RBFOX3: variants seen among roughly 807,000 people sequenced by gnomAD.
The protein encoded by RBFOX3 is RNA binding fox-1 homolog 3.
RBFOX3 carries 17 observed loss-of-function variants against 48.7 expected under a neutral mutation model. That is an observed-to-expected ratio of 0.35 (90% CI 0.24 to 0.52). The LOEUF is 0.52. Among genes scored for constraint, RBFOX3 ranks in the 20% least tolerant of loss-of-function variants. RBFOX3 has a pLI of 0.94. For missense variants in RBFOX3, 382 were observed against 497.5 expected (o/e 0.77, Z 2.21); for synonymous variants, 212 against 209.5 (o/e 1.01, Z -0.10).
chr17:79,518,755 G>T (rs1025076361), intron 1 of RBFOX3, among the ~76,000 whole-genome samples: 1 of 152,258 alleles, frequency 6.6e-6, no homozygotes. Context: ...TGCAGAGTAG[G>T]GGTCAAATGA....
chr17:79,617,028 C>T, the RBFOX3 span, among the ~76,000 whole-genome samples: 1 of 152,228 alleles, frequency 6.6e-6, no homozygotes, highest in Non-Finnish European at 1.5e-5. Context: ...CGCCGGCTGG[C>T]TCTCCGCTCT....
At position 79,477,286 on chromosome 17, in the gene RBFOX3, G is replaced by C. The variant is rs1482937084; in HGVS notation, c.-175+5168C>G. On this transcript the variant is annotated intron_variant, in intron 2 of 14. Transcript: ENST00000693108. This position sits in a 1 kb window ranked among gnomAD's most constrained non-coding sequence, Gnocchi z 4.8. ...AAAAAAAAAAAAAAAAGAGGGCGCG[G>C]TGGCTCACACCTGTAATCCCAGCAC... 6.7e-6 allele frequency among the ~76,000 whole-genome samples: 1 copy of C among 148,814 alleles called. No individual in the cohort carries two copies. Among genetic ancestry groups the C allele is most frequent in the Non-Finnish European group, 1.5e-5 (1 of 67,384 alleles).
chr17:79,562,589 A>G (rs2092284645), intron 1 of RBFOX3, among the ~76,000 whole-genome samples: 1 of 152,164 alleles, frequency 6.6e-6, no homozygotes, highest in Admixed American at 6.5e-5. Context: ...CTAATTTTAT[A>G]CACATGACGT....
intron 4 of RBFOX3, among the ~76,000 whole-genome samples, chr17:79,122,931 G>A (rs1010680548): frequency 6.6e-6 from 1 of 152,166 alleles, no homozygotes; most frequent in African/African-American, 2.4e-5. Context: ...ACATCATTTT[G>A]TTAAGTGAAA....
At chr17:79,654,388 C>T in the RBFOX3 span, among the ~76,000 whole-genome samples, 1 of 152,284 alleles carries the variant, frequency 6.6e-6, no homozygotes, top group African/African-American at 2.4e-5. Flanking sequence ...AGGGAAGACA[C>T]TGGAAAATGA....
intron 4 of RBFOX3, among the ~76,000 whole-genome samples, chr17:79,223,799 G>GCC (rs2060003683): frequency 6.6e-6 from 1 of 152,160 alleles, no homozygotes; most frequent in Non-Finnish European, 1.5e-5. Flanking sequence ...CTGTGGCAGT[G>GCC]CGCCCCCCCT....
At chr17:79,321,268 A>G (rs1345084068) in intron 2 of RBFOX3, among the ~76,000 whole-genome samples, 2 of 152,208 alleles carry the variant, frequency 1.3e-5, no homozygotes, top group Admixed American at 6.5e-5. Flanking sequence ...TCTCTACCTC[A>G]TGTCTTCCCT....
intron 2 of RBFOX3, among the ~76,000 whole-genome samples, chr17:79,397,639 A>G (rs1423772664): frequency 6.7e-6 from 1 of 149,898 alleles, no homozygotes; most frequent in Non-Finnish European, 1.5e-5. Flanking sequence ...TGTCTGATTT[A>G]GAGCAGCCCA....
intron 4 of RBFOX3, among the ~76,000 whole-genome samples, chr17:79,128,603 G>A (rs531328270): frequency 2.2e-3 from 340 of 152,324 alleles, no homozygotes; most frequent in Non-Finnish European, 3.6e-3. Context: ...GACTGGGAGA[G>A]TGAGCATCCC....
chr17:79,095,810 G>A (rs763081004), intron 12 of RBFOX3, among the ~76,000 whole-genome samples: 43 of 152,208 alleles, frequency 2.8e-4, no homozygotes, highest in Non-Finnish European at 5.1e-4. Flanking sequence ...AGTTCAGGGC[G>A]AGGCAGGTCT....
At chr17:79,403,232 C>T (rs527652698) in intron 2 of RBFOX3, among the ~76,000 whole-genome samples, 1 of 152,288 alleles carries the variant, frequency 6.6e-6, no homozygotes, top group East Asian at 1.9e-4. Context: ...CTCCTGATGG[C>T]TGAGAGCCTG....
Position 79,361,281 on chromosome 17 carries a change from G to C in RBFOX3, c.-174-53457C>G. ...GCCTCTTCCCTCTCCCCAGGCTGCT[G>C]GTTGGCGCCTTGATCCATTTGCCAT... On this transcript the variant is annotated intron_variant, in intron 2 of 14. Coordinates refer to ENST00000693108, the MANE Select transcript of RBFOX3 (RefSeq NM_001350451.2). The surrounding 1 kb of genome is among the most constrained non-coding windows in gnomAD (Gnocchi z 4.5). Among the ~76,000 whole-genome samples the C allele has an allele frequency of 6.6e-6, 1 of 152,168 alleles. No individual in the cohort carries two copies. Among genetic ancestry groups the C allele is most frequent in the Middle Eastern group, 3.2e-3 (1 of 316 alleles).
chr17:79,094,470 G>C lies in RBFOX3; in HGVS notation c.1058C>G (p.Thr353Ser), dbSNP rs1380998131. 8 of 1,481,794 alleles carry C rather than the reference G, an allele frequency of 5.4e-6. No individual in the cohort carries two copies. Among genetic ancestry groups the C allele is most frequent in the Non-Finnish European group, 7.2e-6 (8 of 1,117,454 alleles). The allele number at this position is 1,481,794 out of a possible 1,614,324, so 91.8% of individuals were successfully genotyped here. A position where few individuals can be genotyped will look rare whatever the true frequency, so the allele number is the denominator to read the frequency against. The stretch of plus-strand genomic sequence containing the variant: ...CCTTACCATGGTTCCAATGCTGTAG[G>C]TCGCCGCGGGCCCGATGGTGTGATG... ...PYHHTIGPAA[T>S]YSIGTM Residue 353 changes from threonine (T) to serine (S), a missense_variant, in exon 14 of 15, where the codon ACC (threonine) becomes AGC (serine). This residue lies in a region of RBFOX3 where 215 missense variants were observed against 254.8 expected (regional missense o/e 0.84). Coordinates refer to ENST00000693108, the MANE Select transcript of RBFOX3 (RefSeq NM_001350451.2).
At chr17:79,465,441 C>T (rs1172568932) in intron 2 of RBFOX3, among the ~76,000 whole-genome samples, 1 of 152,188 alleles carries the variant, frequency 6.6e-6, no homozygotes, top group African/African-American at 2.4e-5. Context: ...TCCCCTGGCC[C>T]TGCCCAGCGA....
At chr17:79,257,068 C>T (rs983277030) in intron 3 of RBFOX3, among the ~76,000 whole-genome samples, 5 of 152,180 alleles carry the variant, frequency 3.3e-5, no homozygotes, top group African/African-American at 9.7e-5. Context: ...AGGCAGCAGA[C>T]GGGTCCCCTC....
At chr17:79,462,689 A>G (rs1158368100) in intron 2 of RBFOX3, among the ~76,000 whole-genome samples, 1 of 152,202 alleles carries the variant, frequency 6.6e-6, no homozygotes, top group Non-Finnish European at 1.5e-5. Flanking sequence ...CCTGATATAA[A>G]GTAAAATTGG....
chr17:79,585,054 G>T (rs978057730), intron 1 of RBFOX3, among the ~76,000 whole-genome samples: 2 of 151,794 alleles, frequency 1.3e-5, no homozygotes, highest in Non-Finnish European at 1.5e-5. Context: ...CGTGAGCCAC[G>T]GCGCCCAGCC....
chr17:79,096,576 G>T, intron 12 of RBFOX3, 77 bp downstream of exon 12: 1 of 1,296,862 alleles, frequency 7.7e-7, no homozygotes, highest in Non-Finnish European at 1.1e-6. Context: ...CGGGCAGTGA[G>T]AGAGGAGACG....
intron 1 of RBFOX3, among the ~76,000 whole-genome samples, chr17:79,498,257 G>T (rs567203789): frequency 7.2e-5 from 11 of 152,116 alleles, no homozygotes; most frequent in Non-Finnish European, 1.0e-4. Flanking sequence ...TTCCTTTTGC[G>T]CTCCTTTGGG....
Sources: allele counts gnomAD v4.1 joint callset (sites outside exome capture counted in the v4.1 genomes callset), GRCh38; gene constraint gnomAD v4.1.1; regional missense constraint gnomAD v4.1.1; non-coding constraint Gnocchi (gnomAD v3.1); transcripts MANE v1.5; gene names NCBI Gene and HGNC (gene_info 2026-07-23, HGNC 2026-07-21).